Variants in SLC35D4 observed in about 807,000 individuals in gnomAD.
SLC35D4 encodes the protein UDP-N-acetylglucosamine transporter SLC35D4.
At chr18:23,394,648 C>T in the SLC35D4 span, among the ~76,000 whole-genome samples, 26 of 152,220 alleles carry the variant, frequency 1.7e-4, no homozygotes, top group East Asian at 3.5e-3. Flanking sequence ...CATCATGAAG[C>T]TTTTCCCCCA....
chr18:23,356,450 A>G, the SLC35D4 span: 2 of 769,656 alleles, frequency 2.6e-6, no homozygotes, highest in Non-Finnish European at 4.3e-6. This position sits in a 1 kb window ranked among gnomAD's most constrained non-coding sequence, Gnocchi z 4.1. Context: ...CCTGCTGGTG[A>G]CATAATGACT....
the SLC35D4 span, among the ~76,000 whole-genome samples, chr18:23,390,089 A>G: frequency 6.6e-6 from 1 of 152,234 alleles, no homozygotes; most frequent in Non-Finnish European, 1.5e-5. Flanking sequence ...CAGACACTGT[A>G]CCACTTTTAT....
At chr18:23,417,321 T>C in the SLC35D4 span, among the ~76,000 whole-genome samples, 20 of 152,060 alleles carry the variant, frequency 1.3e-4, no homozygotes, top group African/African-American at 4.8e-4. Context: ...TGAGTACATG[T>C]AGACATTGTT....
chr18:23,281,338 T>C, the SLC35D4 span, among the ~76,000 whole-genome samples: 1 of 152,264 alleles, frequency 6.6e-6, no homozygotes, highest in Middle Eastern at 3.4e-3. Context: ...TTTACTTTTT[T>C]TTGAGACAAG....
chr18:23,243,801 G>T, the SLC35D4 span, among the ~76,000 whole-genome samples: 1 of 150,944 alleles, frequency 6.6e-6, no homozygotes, highest in Non-Finnish European at 1.5e-5. Flanking sequence ...GAACCCGGGA[G>T]GCAGAGGTTG....
chr18:23,328,864 A>G, the SLC35D4 span, among the ~76,000 whole-genome samples: 8 of 152,216 alleles, frequency 5.3e-5, no homozygotes, highest in East Asian at 1.5e-3. Flanking sequence ...AGAGATATAG[A>G]CCAATAGAAC....
At chr18:23,306,479 T>G in the SLC35D4 span, among the ~76,000 whole-genome samples, 2 of 152,154 alleles carry the variant, frequency 1.3e-5, no homozygotes, top group Non-Finnish European at 2.9e-5. Context: ...GCTAATTTTG[T>G]ATTTTTAGTA....
chr18:23,370,209 A>C, the SLC35D4 span: 1 of 1,587,128 alleles, frequency 6.3e-7, no homozygotes, highest in Admixed American at 1.8e-5. Context: ...AAAAAAAAAG[A>C]GTTTACCTTA....
chr18:23,361,379 G>T, the SLC35D4 span, among the ~76,000 whole-genome samples: 1 of 152,086 alleles, frequency 6.6e-6, no homozygotes, highest in Non-Finnish European at 1.5e-5. Flanking sequence ...GTTCTACCTT[G>T]AAGTGGGCTA....
chr18:23,422,388 G>C, the SLC35D4 span, among the ~76,000 whole-genome samples: 2 of 151,924 alleles, frequency 1.3e-5, no homozygotes, highest in African/African-American at 4.8e-5. Flanking sequence ...CAGAAACTTA[G>C]GTGGCATTCC....
the SLC35D4 span, among the ~76,000 whole-genome samples, chr18:23,292,099 A>G: frequency 6.6e-6 from 1 of 152,236 alleles, no homozygotes; most frequent in Non-Finnish European, 1.5e-5. Flanking sequence ...GTCATGTTCC[A>G]AGTATGACTA....
chr18:23,371,502 G>A, the SLC35D4 span: 1 of 1,555,306 alleles, frequency 6.4e-7, no homozygotes, highest in Non-Finnish European at 8.7e-7. Context: ...AGAAAAAATG[G>A]CTATAAGTGC....
the SLC35D4 span, among the ~76,000 whole-genome samples, chr18:23,373,976 C>T: frequency 6.6e-6 from 1 of 152,188 alleles, no homozygotes; most frequent in Admixed American, 6.5e-5. Flanking sequence ...CTTCTCTGGA[C>T]CTCAGCTAGC....
the SLC35D4 span, among the ~76,000 whole-genome samples, chr18:23,396,979 G>A: frequency 6.6e-6 from 1 of 152,110 alleles, no homozygotes; most frequent in Non-Finnish European, 1.5e-5. Flanking sequence ...AGCTCAAGAA[G>A]CGTTGTTGAA....
chr18:23,396,985 T>C, the SLC35D4 span, among the ~76,000 whole-genome samples: 4 of 152,168 alleles, frequency 2.6e-5, no homozygotes, highest in African/African-American at 4.8e-5. Context: ...AGAAGCGTTG[T>C]TGAAGGCTGC....
At chr18:23,387,288 T>C in the SLC35D4 span, among the ~76,000 whole-genome samples, 2 of 152,188 alleles carry the variant, frequency 1.3e-5, no homozygotes, top group African/African-American at 2.4e-5. Context: ...GGTTTTGTCA[T>C]CACTCTGGGC....
chr18:23,389,279 G>A, the SLC35D4 span, among the ~76,000 whole-genome samples: 13 of 152,238 alleles, frequency 8.5e-5, no homozygotes, highest in East Asian at 2.1e-3. Context: ...ACAGGCCACC[G>A]TGCCTGGCCT....
chr18:23,404,344 A>C, the SLC35D4 span, among the ~76,000 whole-genome samples: 1 of 152,164 alleles, frequency 6.6e-6, no homozygotes, highest in Non-Finnish European at 1.5e-5. Context: ...TTATGCCATA[A>C]GGGCAGAGCC....
chr18:23,399,599 T>C, the SLC35D4 span: 2 of 1,613,938 alleles, frequency 1.2e-6, no homozygotes, highest in Admixed American at 3.3e-5. Context: ...CAGCATAGAT[T>C]ATACCCACAA....
Sources: allele counts gnomAD v4.1 joint callset (sites outside exome capture counted in the v4.1 genomes callset), GRCh38; gene constraint gnomAD v4.1.1; non-coding constraint Gnocchi (gnomAD v3.1); transcripts MANE v1.5; gene names NCBI Gene and HGNC (gene_info 2026-07-23, HGNC 2026-07-21).